SWT1: variants seen among roughly 807,000 people sequenced by gnomAD.
SWT1 encodes SWT1 RNA endoribonuclease homolog.
A neutral mutation model predicts 107.3 loss-of-function variants in SWT1; 33 were observed. That is an observed-to-expected ratio of 0.31 (90% CI 0.23 to 0.41). The LOEUF is 0.41. SWT1 is among the 10% of genes least tolerant of loss of function. The pLI, the probability that SWT1 is intolerant of heterozygous loss-of-function variation, is 1.00. For synonymous variants in SWT1, 345 were observed against 348.3 expected, an observed-to-expected ratio of 0.99 and a Z score of 0.11; for missense variants, 898 against 1,028.9, an observed-to-expected ratio of 0.87 and a Z score of 1.74.
At chr1:185,233,799 A>G (rs1361966806) in intron 16 of SWT1, among the ~76,000 whole-genome samples, 1 of 152,160 alleles carries the variant, frequency 6.6e-6, no homozygotes, top group Non-Finnish European at 1.5e-5. Flanking sequence ...GCTGGAGTGC[A>G]GTAGCGCAAT....
rs1403227768 is a variant in SWT1, at chr1:185,194,019, T to G, written c.1523+3377T>G. On this transcript the variant is annotated intron_variant, in intron 10 of 18. Coordinates refer to ENST00000367500, the MANE Select transcript of SWT1 (RefSeq NM_017673.7). ...ATGCTTGTCTTCTTGGAGAATTGCT[T>G]CTTTTATAATTATATAATGTCCTTT... is the stretch of plus-strand genomic sequence containing the variant. 3.3e-5 allele frequency among the ~76,000 whole-genome samples: 5 copies of G among 152,248 alleles called. No individual in the cohort carries two copies. The East Asian group carries it at 9.6e-4, about 29-fold the overall frequency.
chr1:185,240,719 TCA>T (rs754531508), intron 16 of SWT1, among the ~76,000 whole-genome samples: 2 of 152,138 alleles, frequency 1.3e-5, no homozygotes, highest in Non-Finnish European at 2.9e-5. Context: ...ATAACCTCTG[TCA>T]CATTCTTGTG....
intron 14 of SWT1, 59 bp from the exon 15 acceptor site, chr1:185,221,790 C>T (rs1176220180): frequency 7.8e-7 from 1 of 1,278,590 alleles, no homozygotes; most frequent in Non-Finnish European, 1.1e-6. Flanking sequence ...TTGCCACTCT[C>T]TTTTTCTCCT....
chr1:185,200,254 T>A (rs980192444), intron 10 of SWT1, among the ~76,000 whole-genome samples: 5 of 152,150 alleles, frequency 3.3e-5, no homozygotes, highest in African/African-American at 1.2e-4. Flanking sequence ...TTCTGTCAGT[T>A]CATCAACTCA....
At chr1:185,257,587 TC>T (rs1662681092) in intron 16 of SWT1, among the ~76,000 whole-genome samples, 1 of 152,196 alleles carries the variant, frequency 6.6e-6, no homozygotes, top group East Asian at 1.9e-4. Flanking sequence ...GAAAGGGAAC[TC>T]CCTGACCCCT....
intron 15 of SWT1, among the ~76,000 whole-genome samples, chr1:185,226,395 T>C (rs1660058328): frequency 6.6e-6 from 1 of 152,204 alleles, no homozygotes; most frequent in Non-Finnish European, 1.5e-5. Context: ...TAAAGATGCT[T>C]ATTTGGAAGT....
At chr1:185,198,048 C>T (rs560846802) in intron 10 of SWT1, among the ~76,000 whole-genome samples, 2 of 152,148 alleles carry the variant, frequency 1.3e-5, no homozygotes, top group East Asian at 3.8e-4. Context: ...AATTTTAGAT[C>T]TTTCCTGCTT....
chr1:185,240,061 T>G (rs1177160600), intron 16 of SWT1, among the ~76,000 whole-genome samples: 1 of 152,022 alleles, frequency 6.6e-6, no homozygotes, highest in East Asian at 1.9e-4. Context: ...AAGCTAATAT[T>G]CAAAGCAACA....
intron 16 of SWT1, among the ~76,000 whole-genome samples, chr1:185,241,788 A>G (rs770477715): frequency 1.3e-5 from 2 of 152,120 alleles, no homozygotes; most frequent in Non-Finnish European, 2.9e-5. Context: ...CATTAGATGA[A>G]TAGTTAATGT....
intron 9 of SWT1, among the ~76,000 whole-genome samples, chr1:185,189,118 A>G (rs944763787): frequency 2.0e-5 from 3 of 152,080 alleles, no homozygotes; most frequent in Non-Finnish European, 2.9e-5. Context: ...AGCTGGGACT[A>G]TATGACTACA....
intron 17 of SWT1, among the ~76,000 whole-genome samples, chr1:185,275,436 A>C (rs10798002): frequency 0.47 from 69,552 of 148,176 alleles, 17,143 homozygotes; most frequent in African/African-American, 0.62. Context: ...ATATAATATC[A>C]AATATTATAT....
At chr1:185,244,909 C>T (rs978197094) in intron 16 of SWT1, among the ~76,000 whole-genome samples, 23 of 151,798 alleles carry the variant, frequency 1.5e-4, no homozygotes, top group Non-Finnish European at 2.5e-4. Context: ...AGTGAGACAC[C>T]GTCTCTGCAA....
chr1:185,220,627 A>G (rs1176564687), intron 14 of SWT1, among the ~76,000 whole-genome samples: 1 of 152,172 alleles, frequency 6.6e-6, no homozygotes, highest in Non-Finnish European at 1.5e-5. Context: ...TTACTTGCTA[A>G]CTATCTTTAC....
intron 16 of SWT1, among the ~76,000 whole-genome samples, chr1:185,237,884 A>C (rs1432407728): frequency 6.6e-6 from 1 of 152,142 alleles, no homozygotes; most frequent in Non-Finnish European, 1.5e-5. Context: ...AATTACTTGA[A>C]TTTTAAGGCT....
At chr1:185,242,342 C>T (rs1256350707) in intron 16 of SWT1, among the ~76,000 whole-genome samples, 2 of 152,032 alleles carry the variant, frequency 1.3e-5, no homozygotes, top group African/African-American at 4.8e-5. Context: ...TTTTTTTAAA[C>T]CTGGGTCTGT....
intron 13 of SWT1, among the ~76,000 whole-genome samples, chr1:185,210,122 C>T (rs549686542): frequency 2.0e-5 from 3 of 152,118 alleles, no homozygotes; most frequent in Non-Finnish European, 4.4e-5. Context: ...TGTATATTAG[C>T]TGTTTGTCAG....
chr1:185,266,475 A>C (rs1486100384), intron 16 of SWT1: 1 of 152,218 alleles, frequency 6.6e-6, no homozygotes, highest in Non-Finnish European at 1.5e-5. Flanking sequence ...TTAAAATTCA[A>C]ATTGAAAATT....
At chr1:185,173,473 T>C (rs562178502) in intron 4 of SWT1, among the ~76,000 whole-genome samples, 36 of 150,502 alleles carry the variant, frequency 2.4e-4, no homozygotes, top group African/African-American at 8.6e-4. Flanking sequence ...GGTGGGCAGA[T>C]TGCTTGAGCC....
At chr1:185,261,250 A>T (rs1386400515) in intron 16 of SWT1, among the ~76,000 whole-genome samples, 2 of 152,148 alleles carry the variant, frequency 1.3e-5, no homozygotes, top group Non-Finnish European at 2.9e-5. Context: ...GAGTAAAATC[A>T]TACACTATTT....
Sources: allele counts gnomAD v4.1 joint callset (sites outside exome capture counted in the v4.1 genomes callset), GRCh38; gene constraint gnomAD v4.1.1; transcripts MANE v1.5; gene names NCBI Gene and HGNC (gene_info 2026-07-23, HGNC 2026-07-21).